MALRD1: variants seen among roughly 807,000 people sequenced by gnomAD.
MALRD1 encodes the protein MAM and LDL receptor class A domain containing 1.
A neutral mutation model predicts 242.1 loss-of-function variants in MALRD1; 247 were observed. That is an observed-to-expected ratio of 1.02 (90% CI 0.92 to 1.13). The LOEUF (loss-of-function observed/expected upper bound fraction) is 1.13, where lower values mean the gene tolerates loss of function less well. MALRD1 is among the 50% of genes most tolerant of loss of function. The probability of loss-of-function intolerance (pLI) is 0.00; values close to 1 mark genes in which losing one functional copy is unlikely to be tolerated. For synonymous variants in MALRD1, 995 were observed against 866.6 expected, an observed-to-expected ratio of 1.15 and a Z score of -2.60; for missense variants, 2,989 against 2,533.1, an observed-to-expected ratio of 1.18 and a Z score of -3.86.
At chr10:19,606,886 A>G (rs1838661974) in intron 34 of MALRD1, among the ~76,000 whole-genome samples, 1 of 152,156 alleles carries the variant, frequency 6.6e-6, no homozygotes, top group South Asian at 2.1e-4. Context: ...CTTTCTAGGA[A>G]GTTGTAATCC....
intron 19 of MALRD1, among the ~76,000 whole-genome samples, chr10:19,268,824 T>A (rs984027749): frequency 6.6e-6 from 1 of 152,180 alleles, no homozygotes; most frequent in African/African-American, 2.4e-5. Context: ...AGCCTGAAGT[T>A]TGTCATATGT....
chr10:19,463,234 T>C (rs1175711352), intron 29 of MALRD1, among the ~76,000 whole-genome samples: 2 of 152,118 alleles, frequency 1.3e-5, no homozygotes, highest in Non-Finnish European at 2.9e-5. Flanking sequence ...GTACGTTCTT[T>C]AGTGGTGATT....
At chr10:19,445,772 C>G (rs1291952083) in intron 28 of MALRD1, among the ~76,000 whole-genome samples, 2 of 152,226 alleles carry the variant, frequency 1.3e-5, no homozygotes, top group Non-Finnish European at 2.9e-5. Flanking sequence ...GGCAGTCTGT[C>G]TGTTCTCAGA....
chr10:19,256,734 A>G (rs1487179213), intron 18 of MALRD1, among the ~76,000 whole-genome samples: 1 of 152,118 alleles, frequency 6.6e-6, no homozygotes, highest in Non-Finnish European at 1.5e-5. Flanking sequence ...ACTTTCTTTC[A>G]TAAGGAGAAT....
intron 33 of MALRD1, among the ~76,000 whole-genome samples, chr10:19,581,370 T>A (rs1336159002): frequency 1.3e-5 from 1 of 79,490 alleles, no homozygotes; most frequent in Admixed American, 1.7e-4. Flanking sequence ...CCCTCCCCCC[T>A]CCCCCCACCC....
chr10:19,535,196 T>A (rs1485784027), intron 32 of MALRD1, among the ~76,000 whole-genome samples: 1 of 152,140 alleles, frequency 6.6e-6, no homozygotes, highest in African/African-American at 2.4e-5. Context: ...AGTTTTTTTT[T>A]ATCTCAATGT....
intron 31 of MALRD1, among the ~76,000 whole-genome samples, chr10:19,508,603 C>T (rs532413294): frequency 9.2e-5 from 14 of 152,054 alleles, no homozygotes; most frequent in African/African-American, 1.7e-4. Context: ...GTGTAAATTA[C>T]GAACTGGATT....
chr10:19,552,546 G>T lies in MALRD1; in HGVS notation c.5479-14956G>T, dbSNP rs1260274894. ...CAGCGCCTGGATTTGTTGATGTTTT[G>T]AATTTTTGTGTGTGTGTGTGTGTGT... On this transcript the variant is annotated intron_variant, in intron 32 of 39. Transcript: ENST00000454679. 2.0e-5 allele frequency among the ~76,000 whole-genome samples: 3 copies of T among 151,374 alleles called. No individual in the cohort carries two copies. The East Asian group carries it at 5.8e-4, about 29-fold the overall frequency.
chr10:19,557,300 A>C (rs745838479), intron 32 of MALRD1, among the ~76,000 whole-genome samples: 3 of 152,120 alleles, frequency 2.0e-5, no homozygotes. Flanking sequence ...ACAAAGTCCA[A>C]CTTACCAATT....
intron 33 of MALRD1, among the ~76,000 whole-genome samples, chr10:19,576,542 A>G (rs1391807361): frequency 6.6e-6 from 1 of 152,220 alleles, no homozygotes; most frequent in African/African-American, 2.4e-5. Context: ...TACAAGTTAT[A>G]AAGAGGAGAA....
chr10:19,637,478 A>G (rs1481306356), intron 36 of MALRD1, among the ~76,000 whole-genome samples: 4 of 152,228 alleles, frequency 2.6e-5, no homozygotes, highest in African/African-American at 7.2e-5. Flanking sequence ...AGAGAGGTTC[A>G]GAAGCTTTCC....
At chr10:19,364,417 C>A (rs1845026622) in intron 26 of MALRD1, among the ~76,000 whole-genome samples, 1 of 151,980 alleles carries the variant, frequency 6.6e-6, no homozygotes, top group African/African-American at 2.4e-5. Context: ...TTCTTAGGAG[C>A]TCTAAAAACC....
chr10:19,354,244 A>C (rs558141384), intron 26 of MALRD1, among the ~76,000 whole-genome samples: 9 of 152,284 alleles, frequency 5.9e-5, no homozygotes, highest in Admixed American at 5.9e-4. Context: ...AATTAAGGGC[A>C]CAGATGAATC....
chr10:19,061,105 C>G (rs1044258624), intron 1 of MALRD1, among the ~76,000 whole-genome samples: 8 of 152,106 alleles, frequency 5.3e-5, no homozygotes, highest in Admixed American at 4.6e-4. Context: ...ACAACACACA[C>G]TGGGGCCTGT....
chr10:19,604,778 G>A (rs1838527641), intron 34 of MALRD1, among the ~76,000 whole-genome samples: 2 of 152,124 alleles, frequency 1.3e-5, no homozygotes, highest in Admixed American at 1.3e-4. Context: ...GCATTAGGCT[G>A]TTGCACATTT....
At chr10:19,539,920 ACG>A (rs1834887837) in intron 32 of MALRD1, among the ~76,000 whole-genome samples, 1 of 48,138 alleles carries the variant, frequency 2.1e-5, no homozygotes, top group African/African-American at 5.0e-5. Context: ...GCGCGCACAC[ACG>A]CGCAGTGATG....
At chr10:19,392,153 A>G (rs1589012274) in intron 28 of MALRD1, among the ~76,000 whole-genome samples, 1 of 152,178 alleles carries the variant, frequency 6.6e-6, no homozygotes, top group East Asian at 1.9e-4. Flanking sequence ...TCATTTATAG[A>G]ACACCATCAC....
At chr10:19,553,815 G>C (rs1313580281) in intron 32 of MALRD1, among the ~76,000 whole-genome samples, 2 of 152,164 alleles carry the variant, frequency 1.3e-5, no homozygotes, top group Non-Finnish European at 2.9e-5. Flanking sequence ...TTCCATTACT[G>C]ATGGTGAGTA....
intron 30 of MALRD1, chr10:19,493,375 A>ATC (rs1185860938): frequency 1.3e-5 from 2 of 152,148 alleles, no homozygotes; most frequent in African/African-American, 4.8e-5. Flanking sequence ...CAATCAACAC[A>ATC]TCTTAAGACT....
Sources: allele counts gnomAD v4.1 joint callset (sites outside exome capture counted in the v4.1 genomes callset), GRCh38; gene constraint gnomAD v4.1.1; transcripts MANE v1.5; gene names NCBI Gene and HGNC (gene_info 2026-07-23, HGNC 2026-07-21).